Variants in RAB27B observed in about 807,000 individuals in gnomAD.
RAB27B encodes the protein RAB27B, member RAS oncogene family, also known as ras-related protein Rab-27B.
In RAB27B, 15 loss-of-function variants were observed where a neutral mutation model predicts 24.6. The ratio of observed to expected loss-of-function variants is 0.61; its 90% CI spans 0.41 to 0.94. The LOEUF is 0.94. Ranked by LOEUF, RAB27B falls within the 40% of genes least tolerant of loss-of-function variation. RAB27B has a pLI of 0.00. For missense variants in RAB27B, 261 were observed against 266.8 expected (o/e 0.98, Z 0.15); for synonymous variants, 105 against 92.5 (o/e 1.14, Z -0.78).
intron 2 of RAB27B, among the ~76,000 whole-genome samples, chr18:54,781,291 G>GT (rs373098003): frequency 6.6e-6 from 1 of 151,974 alleles, no homozygotes; most frequent in Non-Finnish European, 1.5e-5. Context: ...CTTAGTGTCG[G>GT]TTTTCTCTGA....
Position 54,894,595 on chromosome 18 carries a change from A to G in RAB27B, c.*5182A>G, listed in dbSNP as rs1292347954. On this transcript the variant is annotated 3_prime_UTR_variant, in exon 6 of 6. Transcript: ENST00000262094. ...GTTGTAGAAAGGAAAGTGGCCAGAAAGAACAACTTGGGACCATGAGTAGGT... is the reference window on the plus strand; with the variant it reads ...GTTGTAGAAAGGAAAGTGGCCAGAAGGAACAACTTGGGACCATGAGTAGGT... 1 of 152,100 alleles carries G rather than the reference A, an allele frequency of 6.6e-6. No homozygotes were observed. The highest frequency in any genetic ancestry group is 1.5e-5 in the Non-Finnish European group (1 of 67,974). 9.4% of individuals were successfully genotyped at this position (152,100 alleles called of 1,614,324 possible).
Position 54,815,137 on chromosome 18 carries a change from C to T in RAB27B, c.-19-62430C>T, listed in dbSNP as rs148210825. ...AAAAAGAGTAAGATCATGTCACCTC[C>T]CAACAACAAATTTTGCCTCCCTGGG... On this transcript the variant is annotated intron_variant, in intron 2 of 4. Coordinates refer to the RAB27B transcript ENST00000586570. 9.2e-4 allele frequency among the ~76,000 whole-genome samples: 140 copies of T among 152,242 alleles called. 1 individual carries two copies. The highest frequency in any genetic ancestry group is 2.9e-3 in the African/African-American group (121 of 41,556).
intron 2 of RAB27B, among the ~76,000 whole-genome samples, chr18:54,750,304 T>C (rs1907788808): frequency 6.6e-6 from 1 of 152,222 alleles, no homozygotes; most frequent in Non-Finnish European, 1.5e-5. Flanking sequence ...ATGTTAGGAA[T>C]CTTTGTTTTT....
At chr18:54,783,586 A>G (rs1166818973) in intron 2 of RAB27B, among the ~76,000 whole-genome samples, 2 of 152,068 alleles carry the variant, frequency 1.3e-5, no homozygotes, top group Admixed American at 6.6e-5. Context: ...TTTTAATATT[A>G]CATATGATTG....
At chr18:54,872,438 C>A (rs527813908) in intron 1 of RAB27B, among the ~76,000 whole-genome samples, 11 of 151,972 alleles carry the variant, frequency 7.2e-5, no homozygotes, top group African/African-American at 2.7e-4. Context: ...CCAGCCTGAA[C>A]AAAATGGAGA....
At chr18:54,789,387 C>A (rs1032201698) in intron 2 of RAB27B, among the ~76,000 whole-genome samples, 1 of 151,906 alleles carries the variant, frequency 6.6e-6, no homozygotes, top group Non-Finnish European at 1.5e-5. Context: ...ATTTAAATAA[C>A]AATTATTCCT....
At chr18:54,775,437 G>T (rs1302955949) in intron 2 of RAB27B, among the ~76,000 whole-genome samples, 1 of 152,140 alleles carries the variant, frequency 6.6e-6, no homozygotes, top group African/African-American at 2.4e-5. Context: ...CCAGAGATTT[G>T]TCTCCAAAAG....
intron 1 of RAB27B, among the ~76,000 whole-genome samples, chr18:54,866,590 G>T (rs1274591380): frequency 6.6e-6 from 1 of 152,224 alleles, no homozygotes; most frequent in Non-Finnish European, 1.5e-5. Context: ...GACCCACTGC[G>T]CCCGGCAGGG....
intron 2 of RAB27B, among the ~76,000 whole-genome samples, chr18:54,776,432 G>A (rs1013558629): frequency 6.6e-6 from 1 of 152,216 alleles, no homozygotes; most frequent in African/African-American, 2.4e-5. Flanking sequence ...CTGGCTGGGG[G>A]TTTCCTGAAA....
chr18:54,872,121 A>G (rs1157380186), intron 1 of RAB27B, among the ~76,000 whole-genome samples: 1 of 152,110 alleles, frequency 6.6e-6, no homozygotes, highest in Admixed American at 6.6e-5. Flanking sequence ...AGTATGTTAG[A>G]TGGCAAATGG....
At chr18:54,845,334 G>A (rs1568093255) in intron 1 of RAB27B, among the ~76,000 whole-genome samples, 1 of 147,848 alleles carries the variant, frequency 6.8e-6, no homozygotes, top group Non-Finnish European at 1.5e-5. Context: ...TTAAACCCAG[G>A]AGACAGAGGT....
At chr18:54,884,139 T>TA (rs368704311) in intron 3 of RAB27B, among the ~76,000 whole-genome samples, 194 bp from the exon 4 acceptor site, 3,576 of 146,948 alleles carry the variant, frequency 0.024, 96 homozygotes, top group South Asian at 0.073. Context: ...GAAGTGGTCT[T>TA]AAAAAAAAAA....
intron 2 of RAB27B, among the ~76,000 whole-genome samples, chr18:54,760,380 A>G (rs1288430614): frequency 6.6e-6 from 1 of 152,170 alleles, no homozygotes; most frequent in Non-Finnish European, 1.5e-5. Flanking sequence ...TAGGTAGAGG[A>G]TGTAGGGGAG....
intron 1 of RAB27B, among the ~76,000 whole-genome samples, chr18:54,873,056 C>T (rs1302054581): frequency 6.6e-6 from 1 of 151,952 alleles, no homozygotes; most frequent in Non-Finnish European, 1.5e-5. Flanking sequence ...CTGCATATAT[C>T]CAGGATAAAA....
At chr18:54,743,704 T>A (rs371930232) in intron 2 of RAB27B, among the ~76,000 whole-genome samples, 1 of 151,772 alleles carries the variant, frequency 6.6e-6, no homozygotes, top group South Asian at 2.1e-4. Flanking sequence ...AGGAGAGTAA[T>A]AGGAGGTGAG....
intron 1 of RAB27B, among the ~76,000 whole-genome samples, chr18:54,835,954 G>A (rs1262619082): frequency 1.3e-5 from 2 of 151,894 alleles, no homozygotes; most frequent in African/African-American, 4.9e-5. Context: ...CTTAATTTGG[G>A]TGCCCTCAGG....
At chr18:54,811,846 C>T (rs1488887461) in intron 2 of RAB27B, among the ~76,000 whole-genome samples, 1 of 152,162 alleles carries the variant, frequency 6.6e-6, no homozygotes, top group Non-Finnish European at 1.5e-5. Context: ...TGCAGTTTCC[C>T]TTTGGCTTAA....
At chr18:54,751,621 T>G (rs1438961058) in intron 2 of RAB27B, among the ~76,000 whole-genome samples, 2 of 152,128 alleles carry the variant, frequency 1.3e-5, no homozygotes, top group African/African-American at 4.8e-5. Context: ...CCTACAAAAC[T>G]CAGAAGTGAG....
At chr18:54,780,991 C>T (rs965680763) in intron 2 of RAB27B, among the ~76,000 whole-genome samples, 1 of 152,172 alleles carries the variant, frequency 6.6e-6, no homozygotes, top group African/African-American at 2.4e-5. Context: ...GGGAGAAGTA[C>T]TCAAATTATT....
Sources: allele counts gnomAD v4.1 joint callset (sites outside exome capture counted in the v4.1 genomes callset), GRCh38; gene constraint gnomAD v4.1.1; transcripts MANE v1.5; gene names NCBI Gene and HGNC (gene_info 2026-07-23, HGNC 2026-07-21).